The following ZNF423 variants were observed in gnomAD, a reference collection of about 807,000 sequenced individuals.
The protein encoded by ZNF423 is zinc finger protein 423, also known as Ebf-associated zinc finger protein.
ZNF423 carries 12 observed loss-of-function variants against 95.8 expected under a neutral mutation model. The ratio of observed to expected loss-of-function variants is 0.13; its 90% CI spans 0.08 to 0.20. The LOEUF (loss-of-function observed/expected upper bound fraction) is 0.20. ZNF423 is among the 10% of genes least tolerant of loss of function. The pLI is 1.00. For synonymous variants in ZNF423, 749 were observed against 711.9 expected, an observed-to-expected ratio of 1.05 and a Z score of -0.83; for missense variants, 1,316 against 1,737.1, an observed-to-expected ratio of 0.76 and a Z score of 4.31.
intron 3 of ZNF423, among the ~76,000 whole-genome samples, chr16:49,670,799 G>A (rs888008933): frequency 1.3e-5 from 2 of 152,182 alleles, no homozygotes; most frequent in Non-Finnish European, 2.9e-5. Context: ...CAACCCAATC[G>A]CAAAGATAAA....
At chr16:49,676,881 G>A (rs2031073515) in intron 3 of ZNF423, among the ~76,000 whole-genome samples, 1 of 152,154 alleles carries the variant, frequency 6.6e-6, no homozygotes, top group South Asian at 2.1e-4. Flanking sequence ...TCAAAATGTG[G>A]CCCTGGACCA....
At chr16:49,668,666 G>A (rs1464239035) in intron 3 of ZNF423, among the ~76,000 whole-genome samples, 1 of 152,276 alleles carries the variant, frequency 6.6e-6, no homozygotes, top group East Asian at 1.9e-4. Context: ...CTCAGTACAG[G>A]GAGTAGGACC....
chr16:49,601,479 G>A (rs543885834), intron 5 of ZNF423, among the ~76,000 whole-genome samples: 3 of 152,274 alleles, frequency 2.0e-5, no homozygotes, highest in Admixed American at 2.0e-4. Flanking sequence ...CCACAGGAAC[G>A]GAACCTGGTT....
chr16:49,510,817 G>A (rs925206036), intron 7 of ZNF423, among the ~76,000 whole-genome samples: 8 of 152,222 alleles, frequency 5.3e-5, no homozygotes, highest in East Asian at 3.9e-4. Flanking sequence ...ATGTGGTCCC[G>A]GCTGAGGCAG....
intron 7 of ZNF423, among the ~76,000 whole-genome samples, chr16:49,499,581 C>T (rs982969445): frequency 6.6e-6 from 1 of 152,174 alleles, no homozygotes; most frequent in African/African-American, 2.4e-5. Context: ...TGATGCCAAC[C>T]GGATCCAGGT....
At position 49,492,543 on chromosome 16, in the gene ZNF423, T is replaced by C. The variant is rs7192624; in HGVS notation, c.3850-1239A>G. Among the ~76,000 whole-genome samples, 4,083 of 152,192 alleles carry C rather than the reference T, an allele frequency of 0.027. 187 individuals carry two copies. Among genetic ancestry groups the C allele is most frequent in the African/African-American group, 0.092 (3,827 of 41,536 alleles). ...CTCCCTGGAGCAGGGCCCCGCGCAG[T>C]CCCTTCCCGTGACGGGCACTGCGAA... On this transcript the variant is annotated intron_variant, in intron 7 of 7. Coordinates refer to ENST00000563137, the MANE Select transcript of ZNF423 (RefSeq NM_001379286.1). This position sits in a 1 kb window ranked among gnomAD's most constrained non-coding sequence, Gnocchi z 4.2.
intron 1 of ZNF423, among the ~76,000 whole-genome samples, chr16:49,809,481 C>T (rs1597029403): frequency 6.6e-6 from 1 of 152,226 alleles, no homozygotes. Context: ...CCACTACACA[C>T]AAGCCAGTGC....
At chr16:49,527,309 T>C (rs1183734121) in intron 5 of ZNF423, among the ~76,000 whole-genome samples, 1 of 152,222 alleles carries the variant, frequency 6.6e-6, no homozygotes, top group African/African-American at 2.4e-5. Context: ...CTTCCATTTA[T>C]ACTAGCAGAA....
chr16:49,758,918 CA>C (rs1283547397), intron 2 of ZNF423, among the ~76,000 whole-genome samples: 1 of 152,116 alleles, frequency 6.6e-6, no homozygotes, highest in Admixed American at 6.5e-5. Flanking sequence ...GAAGGAGAAA[CA>C]GGGATGGGGA....
At chr16:49,510,946 T>A (rs1967871591) in intron 7 of ZNF423, among the ~76,000 whole-genome samples, 2 of 152,224 alleles carry the variant, frequency 1.3e-5, no homozygotes, top group South Asian at 4.1e-4. Flanking sequence ...GTTGGCCCCC[T>A]GCCCTAGGGC....
chr16:49,567,506 T>C (rs1330548413), intron 5 of ZNF423, among the ~76,000 whole-genome samples: 2 of 151,786 alleles, frequency 1.3e-5, no homozygotes, highest in African/African-American at 4.8e-5. Context: ...GGTCTCCCAG[T>C]CAGACCCAGC....
intron 1 of ZNF423, among the ~76,000 whole-genome samples, chr16:49,817,572 A>G (rs1478074919): frequency 6.6e-6 from 1 of 152,154 alleles, no homozygotes; most frequent in Non-Finnish European, 1.5e-5. Context: ...AGCCACACAG[A>G]ACGCCTGATA....
In ZNF423 at chr16:49,735,259, C is replaced by A. The variant is rs7204575; in HGVS notation, c.101-4288G>T. On this transcript the variant is annotated intron_variant, in intron 2 of 7. Transcript: ENST00000563137. ...CTCCTGATCTCCAGCAGGAAGATTT[C>A]CGTTAAGTCTTCACACAGTTCCCAA... Among the ~76,000 whole-genome samples, 227 of 152,284 alleles carry A rather than the reference C, an allele frequency of 1.5e-3. 1 individual carries two copies. The highest frequency in any genetic ancestry group is 5.1e-3 in the African/African-American group (214 of 41,570).
rs539740128 is a variant in ZNF423 at position 49,510,982 on chromosome 16, A to ACGGGCAGC, written c.3849+12634_3849+12641dup. Among the ~76,000 whole-genome samples the ACGGGCAGC allele has an allele frequency of 2.6e-4, 39 of 152,342 alleles. 1 individual carries two copies. The East Asian group carries it at 3.5e-3, about 14-fold the overall frequency. On this transcript the variant is annotated intron_variant, in intron 7 of 7. Coordinates refer to ENST00000563137, the MANE Select transcript of ZNF423 (RefSeq NM_001379286.1). ...ATGAATGACAGGCTCCAATGGGCAGACGGGCAGCCGGAGGCTGATTCCAAG... is the reference window on the plus strand; with the variant it reads ...ATGAATGACAGGCTCCAATGGGCAGACGGGCAGCCGGGCAGCCGGAGGCTGATTCCAAG...
chr16:49,598,722 T>G (rs1282527177), intron 5 of ZNF423, among the ~76,000 whole-genome samples: 8 of 152,258 alleles, frequency 5.3e-5, no homozygotes, highest in Admixed American at 5.2e-4. Flanking sequence ...GTAAGAGCTG[T>G]CTGCTGAAGA....
At chr16:49,702,913 A>ACACACACACACACG (rs2032234736) in intron 3 of ZNF423, among the ~76,000 whole-genome samples, 1 of 37,472 alleles carries the variant, frequency 2.7e-5, no homozygotes, top group Non-Finnish European at 7.6e-5. Context: ...GCACACGCAC[A>ACACACACACACACG]CACACACACA....
intron 2 of ZNF423, among the ~76,000 whole-genome samples, chr16:49,743,750 CAG>C (rs2033463411): frequency 6.6e-6 from 1 of 152,024 alleles, no homozygotes; most frequent in African/African-American, 2.4e-5. Context: ...AACGAGCCTC[CAG>C]GTGGGCCTGG....
intron 6 of ZNF423, among the ~76,000 whole-genome samples, chr16:49,524,635 A>G (rs1369140998): frequency 6.6e-6 from 1 of 152,216 alleles, no homozygotes; most frequent in Non-Finnish European, 1.5e-5. Flanking sequence ...GAGCGCACCC[A>G]GGAGGTGGCC....
chr16:49,745,128 G>T (rs1229706718), intron 2 of ZNF423, among the ~76,000 whole-genome samples: 1 of 151,880 alleles, frequency 6.6e-6, no homozygotes, highest in Non-Finnish European at 1.5e-5. Flanking sequence ...AAAAAAAAAA[G>T]TTTCCATGCA....
Sources: allele counts gnomAD v4.1 joint callset (sites outside exome capture counted in the v4.1 genomes callset), GRCh38; gene constraint gnomAD v4.1.1; non-coding constraint Gnocchi (gnomAD v3.1); transcripts MANE v1.5; gene names NCBI Gene and HGNC (gene_info 2026-07-23, HGNC 2026-07-21).